IQCM: variants seen among roughly 807,000 people sequenced by gnomAD.
IQCM encodes the protein IQ motif containing M.
A neutral mutation model predicts 57.6 loss-of-function variants in IQCM; 45 were observed. The ratio of observed to expected loss-of-function variants is 0.78; its 90% CI spans 0.62 to 1.00. The LOEUF is 1.00. Ranked by LOEUF, IQCM falls within the 50% of genes least tolerant of loss-of-function variation. IQCM has a pLI of 0.00. For synonymous variants in IQCM, 148 were observed against 158.9 expected (o/e 0.93, Z 0.51); for missense variants, 468 against 511.6 (o/e 0.91, Z 0.82).
At chr4:149,640,896 G>A (rs965341188) in intron 7 of IQCM, among the ~76,000 whole-genome samples, 5 of 152,160 alleles carry the variant, frequency 3.3e-5, no homozygotes, top group East Asian at 3.9e-4. Context: ...TTAGGGGGCC[G>A]AGGCCAGTGG....
chr4:149,425,139 C>T (rs970981712), intron 13 of IQCM, among the ~76,000 whole-genome samples: 1 of 151,936 alleles, frequency 6.6e-6, no homozygotes, highest in East Asian at 1.9e-4. Context: ...AGAAAATGCA[C>T]ATAAAATGTA....
chr4:149,647,157 G>A (rs1049380399), intron 7 of IQCM, among the ~76,000 whole-genome samples: 2 of 152,024 alleles, frequency 1.3e-5, no homozygotes, highest in African/African-American at 4.8e-5. Context: ...TGATATTGTA[G>A]ATACTAAAAA....
chr4:149,758,329 T>G (rs1769182562), intron 2 of IQCM, among the ~76,000 whole-genome samples: 1 of 152,092 alleles, frequency 6.6e-6, no homozygotes, highest in African/African-American at 2.4e-5. Flanking sequence ...AAAAACTAAC[T>G]CAAAATGGAT....
chr4:149,627,383 T>G (rs1241949229), intron 7 of IQCM, among the ~76,000 whole-genome samples: 1 of 152,144 alleles, frequency 6.6e-6, no homozygotes, highest in East Asian at 1.9e-4. Context: ...TTCTTTCTAT[T>G]TGTAATCGCT....
intron 12 of IQCM, among the ~76,000 whole-genome samples, chr4:149,470,080 A>G (rs571310043): frequency 1.6e-4 from 25 of 152,286 alleles, no homozygotes; most frequent in Admixed American, 1.6e-3. Flanking sequence ...GAGCAAAATA[A>G]CCAGCTAACA....
chr4:149,719,642 A>ATTCAGCTC (rs1420377397), intron 5 of IQCM, among the ~76,000 whole-genome samples: 8 of 152,192 alleles, frequency 5.3e-5, no homozygotes, highest in East Asian at 1.9e-4. Context: ...TCCCTCCACC[A>ATTCAGCTC]TTCAGCTCTT....
chr4:149,791,008 T>C (rs1436413434), intron 2 of IQCM, among the ~76,000 whole-genome samples: 2 of 151,736 alleles, frequency 1.3e-5, no homozygotes, highest in African/African-American at 4.8e-5. Context: ...AACTCTCTTA[T>C]ACTCATATGT....
At chr4:149,546,751 T>C (rs1215328082) in intron 12 of IQCM, among the ~76,000 whole-genome samples, 1 of 152,200 alleles carries the variant, frequency 6.6e-6, no homozygotes, top group Non-Finnish European at 1.5e-5. Flanking sequence ...TTGCAAAAAT[T>C]TTCTCCCATT....
At chr4:149,710,790 T>C (rs561445474) in intron 5 of IQCM, among the ~76,000 whole-genome samples, 5 of 152,202 alleles carry the variant, frequency 3.3e-5, no homozygotes, top group Non-Finnish European at 7.4e-5. Flanking sequence ...ATTTCTTTTC[T>C]GGTGAAGTTT....
rs920347986 is a variant in IQCM at position 149,815,310 on chromosome 4, C to T, written c.-49+1G>A. On this transcript the variant is annotated splice_donor_variant, in intron 2 of 13. Transcript: ENST00000636793. LOFTEE classifies it low-confidence loss of function (5UTR_SPLICE). Reference sequence around the variant, plus strand: ...CAACGTGGTATATTAGTAACTTCTACCTTAAAGTTTTTCATTCCAAGGTCA... The same window carrying T: ...CAACGTGGTATATTAGTAACTTCTATCTTAAAGTTTTTCATTCCAAGGTCA... The T allele has an allele frequency of 1.3e-4, 19 of 151,850 alleles. No homozygotes were observed. The highest frequency in any genetic ancestry group is 4.6e-4 in the African/African-American group (19 of 41,390). 9.4% of individuals were successfully genotyped at this position (151,850 alleles called of 1,614,324 possible).
chr4:149,752,803 T>G (rs1561234315), intron 2 of IQCM, among the ~76,000 whole-genome samples: 1 of 152,184 alleles, frequency 6.6e-6, no homozygotes, highest in Non-Finnish European at 1.5e-5. Context: ...AGCGAGGCTC[T>G]GCTAAAAATG....
chr4:149,484,329 A>T (rs1741236435), intron 12 of IQCM, among the ~76,000 whole-genome samples: 1 of 151,968 alleles, frequency 6.6e-6, no homozygotes. Flanking sequence ...GTAGGGACTT[A>T]TTCCTGCCAT....
intron 12 of IQCM, among the ~76,000 whole-genome samples, chr4:149,528,539 C>A (rs1297608070): frequency 6.6e-6 from 1 of 152,162 alleles, no homozygotes; most frequent in Non-Finnish European, 1.5e-5. Context: ...ATGTAATCAT[C>A]CAATTGCCTT....
intron 12 of IQCM, among the ~76,000 whole-genome samples, chr4:149,459,631 C>A (rs1297675509): frequency 6.6e-6 from 1 of 152,172 alleles, no homozygotes; most frequent in East Asian, 1.9e-4. Context: ...CAGCCCCTGG[C>A]AACCAACATT....
At chr4:149,524,208 C>T (rs920749541) in intron 12 of IQCM, among the ~76,000 whole-genome samples, 1 of 152,098 alleles carries the variant, frequency 6.6e-6, no homozygotes, top group Non-Finnish European at 1.5e-5. Context: ...ACAAATTATT[C>T]TATGGTAATA....
At chr4:149,494,821 A>G (rs1050203377) in intron 12 of IQCM, among the ~76,000 whole-genome samples, 3 of 152,128 alleles carry the variant, frequency 2.0e-5, no homozygotes, top group Non-Finnish European at 2.9e-5. Flanking sequence ...TATTCAAAGC[A>G]CAGTAGTCAT....
At chr4:149,371,808 T>C (rs1424614403) in intron 13 of IQCM, among the ~76,000 whole-genome samples, 1 of 152,138 alleles carries the variant, frequency 6.6e-6, no homozygotes, top group Non-Finnish European at 1.5e-5. Flanking sequence ...AAAACATTGC[T>C]TAATTCATGA....
intron 10 of IQCM, among the ~76,000 whole-genome samples, chr4:149,555,116 C>T (rs1749456179): frequency 6.6e-6 from 1 of 152,156 alleles, no homozygotes; most frequent in Non-Finnish European, 1.5e-5. Context: ...CTCCTCTTCT[C>T]CTTTCTCCTT....
intron 12 of IQCM, among the ~76,000 whole-genome samples, chr4:149,435,179 T>G (rs1314386689): frequency 2.0e-5 from 3 of 152,170 alleles, no homozygotes; most frequent in Non-Finnish European, 2.9e-5. Flanking sequence ...TAATAACTAC[T>G]ATATTAGACT....
Sources: allele counts gnomAD v4.1 joint callset (sites outside exome capture counted in the v4.1 genomes callset), GRCh38; gene constraint gnomAD v4.1.1; transcripts MANE v1.5; gene names NCBI Gene and HGNC (gene_info 2026-07-23, HGNC 2026-07-21).